The following ARID2 variants were observed in gnomAD, a reference collection of about 807,000 sequenced individuals.
ARID2 encodes the protein AT-rich interaction domain 2.
ARID2 carries 32 observed loss-of-function variants against 184.6 expected under a neutral mutation model. The ratio of observed to expected loss-of-function variants is 0.17; its 90% CI spans 0.13 to 0.23. The LOEUF (loss-of-function observed/expected upper bound fraction) is 0.23. Among genes scored for constraint, ARID2 ranks in the 10% least tolerant of loss-of-function variants. The probability of loss-of-function intolerance (pLI) is 1.00; values close to 1 mark genes in which losing one functional copy is unlikely to be tolerated. For missense variants in ARID2, 1,696 were observed against 2,197.6 expected, an observed-to-expected ratio of 0.77 and a Z score of 4.56; for synonymous variants, 836 against 772.6, an observed-to-expected ratio of 1.08 and a Z score of -1.36.
intron 3 of ARID2, among the ~76,000 whole-genome samples, chr12:45,793,845 T>A (rs987779139): frequency 1.3e-5 from 2 of 152,036 alleles, no homozygotes; most frequent in Admixed American, 1.3e-4. Flanking sequence ...AGTCATTTCT[T>A]TTTTTTAGGA....
intron 3 of ARID2, among the ~76,000 whole-genome samples, chr12:45,809,595 C>T (rs1360923127): frequency 6.6e-6 from 1 of 152,150 alleles, no homozygotes; most frequent in African/African-American, 2.4e-5. Flanking sequence ...CACTTGCCTA[C>T]CATTTTCAAT....
chr12:45,841,002 A>ATT, intron 11 of ARID2: 2 of 152,328 alleles, frequency 1.3e-5, no homozygotes, highest in South Asian at 4.1e-4. Flanking sequence ...GCCGATTTAT[A>ATT]TTGGGGAATC....
At chr12:45,781,549 C>G (rs1942090503) in intron 3 of ARID2, among the ~76,000 whole-genome samples, 1 of 151,034 alleles carries the variant, frequency 6.6e-6, no homozygotes, top group South Asian at 2.1e-4. Context: ...TATATTTTCG[C>G]CAAGTTGAGG....
intron 11 of ARID2, chr12:45,842,072 CAT>C (rs1422560825): frequency 6.7e-6 from 1 of 149,174 alleles, no homozygotes; most frequent in African/African-American, 2.6e-5. Flanking sequence ...AGCCTGGCAA[CAT>C]AGTGAGATTC....
rs374602869 is a variant in ARID2 at position 45,852,346 on chromosome 12, A to G, written c.4223A>G (p.Lys1408Arg). The G allele has an allele frequency of 3.3e-5, 53 of 1,614,068 alleles. No homozygotes were observed. Among genetic ancestry groups the G allele is most frequent in the Non-Finnish European group, 4.2e-5 (50 of 1,180,014 alleles). Residue 1408 changes from lysine (K) to arginine (R), a missense_variant, in exon 15 of 21, where the codon AAA (lysine) becomes AGA (arginine). Lys to Arg is a conservative substitution (Grantham distance 26, BLOSUM62 2). Transcript: ENST00000334344. Reference protein sequence around the residue: ...TLDITQQDTAKGDQLERISNG... With the variant: ...TLDITQQDTARGDQLERISNG... Reference sequence around the variant, plus strand: ...GATATCACTCAGCAAGATACTGCCAAAGGTGATCAACTAGAAAGAATTTCT... The same window carrying G: ...GATATCACTCAGCAAGATACTGCCAGAGGTGATCAACTAGAAAGAATTTCT...
chr12:45,752,222 A>G (rs971332455), intron 3 of ARID2, among the ~76,000 whole-genome samples: 1 of 152,206 alleles, frequency 6.6e-6, no homozygotes, highest in Non-Finnish European at 1.5e-5. Flanking sequence ...GCCATGAACA[A>G]ACATCTTGGC....
chr12:45,838,072 G>A (rs968691588), intron 10 of ARID2, among the ~76,000 whole-genome samples: 16 of 152,118 alleles, frequency 1.1e-4, no homozygotes, highest in Admixed American at 7.2e-4. Context: ...CTGTTGTTAC[G>A]TATTAAATTT....
chr12:45,785,179 T>C (rs1356867898), intron 3 of ARID2, among the ~76,000 whole-genome samples: 1 of 152,202 alleles, frequency 6.6e-6, no homozygotes, highest in Non-Finnish European at 1.5e-5. Context: ...TAGTAAATTA[T>C]AGAGACAGGA....
chr12:45,776,929 C>G lies in ARID2; in HGVS notation c.285-34489C>G, dbSNP rs759706051. ...TCCCAAGTAGCTGGGGTTACAGGCA[C>G]ACACCACCATGCCCAGCTAATTTAT... On this transcript the variant is annotated intron_variant, in intron 3 of 20. Transcript: ENST00000334344. Among the ~76,000 whole-genome samples, 311 of 151,526 alleles carry G rather than the reference C, an allele frequency of 2.1e-3. 2 individuals carry two copies. The highest frequency in any genetic ancestry group is 3.5e-3 in the Non-Finnish European group (239 of 67,882).
At chr12:45,844,655 T>G (rs1943410695) in intron 11 of ARID2, among the ~76,000 whole-genome samples, 1 of 152,228 alleles carries the variant, frequency 6.6e-6, no homozygotes, top group Non-Finnish European at 1.5e-5. Context: ...TAGCTAGCGT[T>G]TATATAGTGC....
intron 6 of ARID2, among the ~76,000 whole-genome samples, chr12:45,830,509 A>G (rs1327758793): frequency 6.6e-6 from 1 of 152,156 alleles, no homozygotes; most frequent in African/African-American, 2.4e-5. Context: ...TAGATCTTCA[A>G]AGTTTTCACC....
At chr12:45,744,991 G>A (rs778941317) in intron 3 of ARID2, among the ~76,000 whole-genome samples, 1 of 152,138 alleles carries the variant, frequency 6.6e-6, no homozygotes, top group East Asian at 1.9e-4. Context: ...GTGTGTTTGT[G>A]CAGGCACGTG....
chr12:45,795,582 G>A (rs536252199), intron 3 of ARID2, among the ~76,000 whole-genome samples: 106 of 152,050 alleles, frequency 7.0e-4, no homozygotes, highest in African/African-American at 4.8e-4. Context: ...ACAGGCGCCC[G>A]CCACCACGCC....
chr12:45,818,703 A>T (rs1033670434), intron 5 of ARID2, among the ~76,000 whole-genome samples: 2 of 152,094 alleles, frequency 1.3e-5, no homozygotes, highest in East Asian at 3.8e-4. Flanking sequence ...ATAACATTTT[A>T]TGACTTTTTG....
chr12:45,777,682 A>G (rs1942011024), intron 3 of ARID2, among the ~76,000 whole-genome samples: 1 of 151,702 alleles, frequency 6.6e-6, no homozygotes, highest in South Asian at 2.1e-4. Context: ...CTGGTAAACT[A>G]ATTTTTATTT....
intron 20 of ARID2, among the ~76,000 whole-genome samples, chr12:45,897,739 G>T (rs1944388193): frequency 6.6e-6 from 1 of 152,076 alleles, no homozygotes; most frequent in Non-Finnish European, 1.5e-5. Flanking sequence ...TAGACAAAAT[G>T]TGGCATGTAC....
chr12:45,856,068 T>TG (rs1491265519), intron 15 of ARID2, among the ~76,000 whole-genome samples: 2 of 76,634 alleles, frequency 2.6e-5, no homozygotes, highest in African/African-American at 1.2e-4. Context: ...TCTTCTTTTC[T>TG]TTTTTTTTTT....
intron 16 of ARID2, among the ~76,000 whole-genome samples, chr12:45,865,662 A>C (rs1943820011): frequency 6.6e-6 from 1 of 152,092 alleles, no homozygotes; most frequent in Non-Finnish European, 1.5e-5. Context: ...TTTCCATTTA[A>C]ATCTTATATT....
At chr12:45,769,965 AAAGGC>A (rs1941837768) in intron 3 of ARID2, among the ~76,000 whole-genome samples, 2 of 152,186 alleles carry the variant, frequency 1.3e-5, no homozygotes. Flanking sequence ...TTTGAAAAAT[AAAGGC>A]AAGGCCGGGC....
Sources: gnomAD v4.1 joint callset for allele counts (sites outside exome capture counted in the v4.1 genomes callset) on GRCh38, gnomAD v4.1.1 for gene constraint, MANE v1.5 for transcripts, NCBI Gene and HGNC (gene_info 2026-07-23, HGNC 2026-07-21) for gene names.